The following PTCH1 variants were observed in gnomAD, a reference collection of about 807,000 sequenced individuals.
PTCH1 encodes the protein protein patched homolog 1.
PTCH1 carries 14 observed loss-of-function variants against 144.6 expected under a neutral mutation model. The ratio of observed to expected loss-of-function variants is 0.10; its 90% CI spans 0.06 to 0.15. The LOEUF is 0.15. Among genes scored for constraint, PTCH1 ranks in the 10% least tolerant of loss-of-function variants. PTCH1 has a pLI of 1.00. For missense variants in PTCH1, 1,623 were observed against 1,948.3 expected, an observed-to-expected ratio of 0.83 and a Z score of 3.14; for synonymous variants, 833 against 793.6, an observed-to-expected ratio of 1.05 and a Z score of -0.83.
At position 95,508,147 on chromosome 9, in the gene PTCH1, A is replaced by T; in HGVS notation, c.201+14T>A. ...GAGGGAAGAGAAAGTGGGAGGAGAGAGTCTGAAATGCACCTTGGAAATCTG... is the reference window on the plus strand; with the variant it reads ...GAGGGAAGAGAAAGTGGGAGGAGAGTGTCTGAAATGCACCTTGGAAATCTG... On this transcript the variant is annotated intron_variant, in intron 1 of 23. Transcript: ENST00000331920. The T allele has an allele frequency of 1.2e-6, 2 of 1,612,326 alleles. No homozygotes were observed. Among genetic ancestry groups the T allele is most frequent in the Non-Finnish European group, 1.7e-6 (2 of 1,179,612 alleles).
upstream of PTCH1, among the ~76,000 whole-genome samples, chr9:95,511,111 CCA>C (rs1470811651): frequency 6.7e-6 from 1 of 149,686 alleles, no homozygotes; most frequent in African/African-American, 2.4e-5. Context: ...GAGTCCCTGC[CCA>C]TTCAGCGGCC....
chr9:95,508,838 C>T lies in PTCH1; in HGVS notation c.-477G>A. On this transcript the variant is annotated 5_prime_UTR_variant, in exon 1 of 24. Coordinates refer to ENST00000331920, the MANE Select transcript of PTCH1 (RefSeq NM_000264.5). Reference sequence around the variant, plus strand: ...CCGGCCGCGCTGGCTCTCTCGGCGCCTCCCGGGTCGCCCGAGCGGCCGCGG... The same window carrying T: ...CCGGCCGCGCTGGCTCTCTCGGCGCTTCCCGGGTCGCCCGAGCGGCCGCGG... The T allele has an allele frequency of 2.0e-6, 2 of 984,294 alleles. No individual in the cohort carries two copies. The highest frequency in any genetic ancestry group is 2.4e-6 in the Non-Finnish European group (2 of 829,540). 61.0% of individuals were successfully genotyped at this position (984,294 alleles called of 1,614,324 possible). A position where few individuals can be genotyped will look rare whatever the true frequency, so the allele number is the denominator to read the frequency against.
At chr9:95,515,649 G>C (rs1844329948) in intron 1 of PTCH1, among the ~76,000 whole-genome samples, 2 of 152,256 alleles carry the variant, frequency 1.3e-5, no homozygotes, top group South Asian at 4.1e-4. Flanking sequence ...CCCGCCCCCG[G>C]GCTCCCCTGA....
intron 1 of PTCH1, chr9:95,506,971 A>G: frequency 9.9e-7 from 1 of 1,007,408 alleles, no homozygotes; most frequent in East Asian, 9.7e-5. Context: ...GCGTAATCCC[A>G]GCGATGGAGC....
chr9:95,490,068 C>T (rs1444575405), intron 2 of PTCH1, among the ~76,000 whole-genome samples: 1 of 151,664 alleles, frequency 6.6e-6, no homozygotes, highest in African/African-American at 2.4e-5. Context: ...TCCCAAAGTG[C>T]TGGGATTACA....
chr9:95,481,878 T>C lies in PTCH1; in HGVS notation c.746+71A>G, dbSNP rs1430399822. On this transcript the variant is annotated intron_variant, in intron 5 of 23. Coordinates refer to ENST00000331920, the MANE Select transcript of PTCH1 (RefSeq NM_000264.5). ...TTCAAAACTGAAATGGAACAAACAA[T>C]GATAAGCAACATTAGAAACACTGAG... 2.1e-5 allele frequency: 28 copies of C among 1,341,022 alleles called. No homozygotes were observed. In the East Asian group the frequency reaches 6.4e-4, roughly 30 times the overall value. 83.1% of individuals were successfully genotyped at this position (1,341,022 alleles called of 1,614,324 possible).
At chr9:95,481,590 C>T (rs1333836908) in intron 5 of PTCH1, among the ~76,000 whole-genome samples, 2 of 152,192 alleles carry the variant, frequency 1.3e-5, no homozygotes, top group Non-Finnish European at 2.9e-5. Flanking sequence ...AACCCACTCA[C>T]TAATAAAGTC....
In PTCH1 at chr9:95,458,002, A is replaced by G. The variant is rs1289296579; in HGVS notation, c.3168+11T>C. 1 of 1,613,958 alleles carries G rather than the reference A, an allele frequency of 6.2e-7. No individual in the cohort carries two copies. The highest frequency in any genetic ancestry group is 2.2e-5 in the East Asian group (1 of 44,894). Reference sequence around the variant, plus strand: ...ATTTGACTTCCACAAAGCCCCTTATAATACACTCACAATGATCCCGGCCGT... The same window carrying G: ...ATTTGACTTCCACAAAGCCCCTTATGATACACTCACAATGATCCCGGCCGT... On this transcript the variant is annotated intron_variant, in intron 18 of 23. Coordinates refer to ENST00000331920, the MANE Select transcript of PTCH1 (RefSeq NM_000264.5). This position sits in a 1 kb window ranked among gnomAD's most constrained non-coding sequence, Gnocchi z 4.7.
intron 16 of PTCH1, among the ~76,000 whole-genome samples, chr9:95,460,529 C>T (rs1839368150): frequency 6.6e-6 from 1 of 152,134 alleles, no homozygotes; most frequent in Admixed American, 6.6e-5. Context: ...TCATTCCTCG[C>T]TTTGGGTCTT....
chr9:95,507,027 CT>C, intron 1 of PTCH1: 1 of 990,078 alleles, frequency 1.0e-6, no homozygotes, highest in South Asian at 4.7e-5. Context: ...GTCCATCACC[CT>C]CGGGGACGGG....
At chr9:95,493,879 A>G (rs1246504261) in intron 2 of PTCH1, among the ~76,000 whole-genome samples, 2 of 151,972 alleles carry the variant, frequency 1.3e-5, no homozygotes, top group East Asian at 3.9e-4. Flanking sequence ...TCTCCCACCC[A>G]TCTCTTTTAT....
chr9:95,456,710 G>A (rs554712695), intron 18 of PTCH1, among the ~76,000 whole-genome samples: 26 of 152,148 alleles, frequency 1.7e-4, no homozygotes, highest in African/African-American at 4.3e-4. Context: ...CTCCACCAGC[G>A]CAATCCACGA....
At chr9:95,507,000 CAAA>C in intron 1 of PTCH1, 1 of 997,558 alleles carries the variant, frequency 1.0e-6, no homozygotes, top group South Asian at 4.6e-5. Flanking sequence ...CAGGAGCCAG[CAAA>C]CCAGTCCTGC....
chr9:95,506,490 A>C lies in PTCH1; in HGVS notation c.311T>G (p.Val104Gly), dbSNP rs746275162. ...GAAGGCCCCAAATATGAGGAGGCCC[A>C]CAACCAAGAACTTGCCGCAGTTTTT... ...IQKNCGKFLV[V>G]GLLIFGAFAV... Residue 104 changes from valine to glycine, a missense_variant, in exon 2 of 24, where the codon GTG becomes GGG. Val to Gly is a moderately radical substitution (Grantham distance 109). Around this residue, in one of 7 missense-constraint regions of PTCH1, gnomAD observed 245 missense variants for 240.6 expected, o/e 1.02. Coordinates refer to ENST00000331920, the MANE Select transcript of PTCH1 (RefSeq NM_000264.5). 1 of 1,613,704 alleles carries C rather than the reference A, an allele frequency of 6.2e-7. No homozygotes were observed. The highest frequency in any genetic ancestry group is 8.5e-7 in the Non-Finnish European group (1 of 1,179,816).
chr9:95,503,662 T>C (rs1423685690), intron 2 of PTCH1, among the ~76,000 whole-genome samples: 1 of 152,188 alleles, frequency 6.6e-6, no homozygotes, highest in Non-Finnish European at 1.5e-5. Flanking sequence ...ACCCATAGTT[T>C]CCCATCTGTA....
Position 95,459,962 on chromosome 9 carries a change from C to CG in PTCH1, c.2704-180dup. The CG allele has an allele frequency of 4.2e-6, 3 of 708,020 alleles. No individual in the cohort carries two copies. In the South Asian group the frequency reaches 4.9e-5, roughly 11 times the overall value. The allele number at this position is 708,020 out of a possible 1,614,324, so 43.9% of individuals were successfully genotyped here. A position where few individuals can be genotyped will look rare whatever the true frequency, so the allele number is the denominator to read the frequency against. ...TTGATTTCTTTCAATGTGCACTTAT[C>CG]GGAGGATGCAATCACTGGCGTGTTT... is the stretch of plus-strand genomic sequence containing the variant. On this transcript the variant is annotated intron_variant, in intron 16 of 23. Coordinates refer to ENST00000331920, the MANE Select transcript of PTCH1 (RefSeq NM_000264.5).
intron 2 of PTCH1, among the ~76,000 whole-genome samples, chr9:95,498,117 C>A (rs1324019396): frequency 6.6e-6 from 1 of 152,168 alleles, no homozygotes; most frequent in African/African-American, 2.4e-5. Flanking sequence ...ATTTCCAGTT[C>A]CTTTTGCTTA....
At chr9:95,504,062 A>AG (rs1843355794) in intron 2 of PTCH1, among the ~76,000 whole-genome samples, 1 of 146,624 alleles carries the variant, frequency 6.8e-6, no homozygotes, top group Non-Finnish European at 1.5e-5. Flanking sequence ...AAAAAAAAAA[A>AG]AAGATAATAA....
intron 6 of PTCH1, 122 bp from the exon 7 acceptor site, chr9:95,480,212 G>A: frequency 6.5e-7 from 1 of 1,545,540 alleles, no homozygotes; most frequent in Admixed American, 1.7e-5. Flanking sequence ...AGGCTAATGG[G>A]AGGTGTATGG....
Sources: gnomAD v4.1 joint callset for allele counts (sites outside exome capture counted in the v4.1 genomes callset) on GRCh38, gnomAD v4.1.1 for gene constraint, gnomAD v4.1.1 regional missense constraint, Gnocchi (gnomAD v3.1) non-coding constraint, MANE v1.5 for transcripts, NCBI Gene and HGNC (gene_info 2026-07-23, HGNC 2026-07-21) for gene names.